MAPK10: variants seen among roughly 807,000 people sequenced by gnomAD.
MAPK10 encodes the protein mitogen-activated protein kinase 10, also known as JNK3 alpha protein kinase.
MAPK10 carries 25 observed loss-of-function variants against 59.3 expected under a neutral mutation model. The ratio of observed to expected loss-of-function variants is 0.42; its 90% CI spans 0.31 to 0.59. The LOEUF (loss-of-function observed/expected upper bound fraction) is 0.59. Among genes scored for constraint, MAPK10 ranks in the 20% least tolerant of loss-of-function variants. The pLI, the probability that MAPK10 is intolerant of heterozygous loss-of-function variation, is 0.15. For missense variants in MAPK10, 351 were observed against 568.9 expected, an observed-to-expected ratio of 0.62 and a Z score of 3.90; for synonymous variants, 190 against 200.5, an observed-to-expected ratio of 0.95 and a Z score of 0.44.
chr4:86,364,497 T>C (rs985910442), upstream of MAPK10, among the ~76,000 whole-genome samples: 1 of 152,220 alleles, frequency 6.6e-6, no homozygotes, highest in African/African-American at 2.4e-5. Context: ...GAGTGATAGA[T>C]TCCAACCTTC....
At chr4:86,508,296 T>C (rs1755957677) in intron 1 of MAPK10, among the ~76,000 whole-genome samples, 1 of 152,178 alleles carries the variant, frequency 6.6e-6, no homozygotes, top group African/African-American at 2.4e-5. Context: ...TTTTCTTCCA[T>C]AGTGAATCTT....
At chr4:86,300,235 T>C (rs1684384653) in intron 2 of MAPK10, among the ~76,000 whole-genome samples, 1 of 152,212 alleles carries the variant, frequency 6.6e-6, no homozygotes, top group East Asian at 1.9e-4. Flanking sequence ...CATTAGTTTA[T>C]ATTTGTAAAG....
intron 1 of MAPK10, among the ~76,000 whole-genome samples, chr4:86,548,851 G>A (rs1437255948): frequency 1.3e-5 from 2 of 152,150 alleles, no homozygotes; most frequent in Non-Finnish European, 2.9e-5. Flanking sequence ...GTATAGCTCT[G>A]TGATATGGAA....
chr4:86,538,932 G>A (rs796749269), intron 1 of MAPK10, among the ~76,000 whole-genome samples: 1 of 152,104 alleles, frequency 6.6e-6, no homozygotes, highest in Non-Finnish European at 1.5e-5. Flanking sequence ...GTAAAGGAAT[G>A]CAAATTTAAA....
intron 6 of MAPK10, chr4:86,102,234 T>G: frequency 2.2e-6 from 1 of 462,246 alleles, no homozygotes; most frequent in Non-Finnish European, 3.8e-6. Context: ...AGAAAAAGCA[T>G]TTATTAATGT....
At chr4:86,529,371 C>T (rs1757701379) in intron 1 of MAPK10, among the ~76,000 whole-genome samples, 2 of 152,136 alleles carry the variant, frequency 1.3e-5, no homozygotes, top group African/African-American at 4.8e-5. Flanking sequence ...CATGTGAGGA[C>T]TTTACCCCTA....
At chr4:86,230,700 C>T (rs545594939) in intron 2 of MAPK10, among the ~76,000 whole-genome samples, 1 of 152,092 alleles carries the variant, frequency 6.6e-6, no homozygotes, top group African/African-American at 2.4e-5. Flanking sequence ...TTTAAAACTA[C>T]CCTTGATTTA....
At chr4:86,174,199 T>C (rs971386282) in intron 3 of MAPK10, among the ~76,000 whole-genome samples, 2 of 152,144 alleles carry the variant, frequency 1.3e-5, no homozygotes, top group African/African-American at 4.8e-5. Flanking sequence ...TTATTTACAA[T>C]AGCAAAGACA....
intron 4 of MAPK10, among the ~76,000 whole-genome samples, chr4:86,157,271 T>C (rs2068088647): frequency 6.6e-6 from 1 of 151,946 alleles, no homozygotes; most frequent in South Asian, 2.1e-4. Context: ...TATGACATAA[T>C]AGGTATCCAT....
At chr4:86,409,237 C>T (rs1744805410) in intron 1 of MAPK10, among the ~76,000 whole-genome samples, 1 of 152,046 alleles carries the variant, frequency 6.6e-6, no homozygotes, top group Non-Finnish European at 1.5e-5. Context: ...TTTCTGAGGC[C>T]TGTTCTGTTC....
chr4:86,538,435 CGCACCCGGCCCTGAGCCACT>C (rs773554607), intron 1 of MAPK10, among the ~76,000 whole-genome samples: 7 of 152,234 alleles, frequency 4.6e-5, no homozygotes, highest in Non-Finnish European at 1.0e-4. Flanking sequence ...TGTGAGCCAC[CGCACCCGGCCCTGAGCCACT>C]GCGCCCGGTC....
chr4:86,451,233 G>GT (rs1750676984), intron 1 of MAPK10, among the ~76,000 whole-genome samples: 1 of 152,062 alleles, frequency 6.6e-6, no homozygotes, highest in African/African-American at 2.4e-5. Flanking sequence ...TTATCATTCG[G>GT]TTTTTAAGTT....
intron 1 of MAPK10, among the ~76,000 whole-genome samples, chr4:86,381,484 G>T (rs1740699203): frequency 6.6e-6 from 1 of 152,138 alleles, no homozygotes; most frequent in South Asian, 2.1e-4. Context: ...CTGACTCCTG[G>T]GACCTGCATT....
intron 2 of MAPK10, among the ~76,000 whole-genome samples, chr4:86,333,704 C>T (rs2096208034): frequency 6.6e-6 from 1 of 152,148 alleles, no homozygotes; most frequent in South Asian, 2.1e-4. Flanking sequence ...TAAATCAGCT[C>T]TACCATATAC....
chr4:86,394,319 A>C (rs1313967592), intron 1 of MAPK10, among the ~76,000 whole-genome samples: 1 of 152,164 alleles, frequency 6.6e-6, no homozygotes, highest in Non-Finnish European at 1.5e-5. Context: ...ACTCAAACTT[A>C]TTCCTCTTGA....
intron 1 of MAPK10, among the ~76,000 whole-genome samples, chr4:86,582,619 T>C (rs1762381906): frequency 6.6e-6 from 1 of 152,126 alleles, no homozygotes; most frequent in Non-Finnish European, 1.5e-5. Flanking sequence ...ATCTATGTCA[T>C]CTAAAAAAAC....
At chr4:86,088,462 C>T (rs1234360966) in intron 9 of MAPK10, among the ~76,000 whole-genome samples, 1 of 152,156 alleles carries the variant, frequency 6.6e-6, no homozygotes, top group Non-Finnish European at 1.5e-5. Flanking sequence ...TTGGGGGTTA[C>T]AGGCATGAGC....
intron 9 of MAPK10, among the ~76,000 whole-genome samples, chr4:86,086,303 AAGTT>A: frequency 6.6e-6 from 1 of 152,300 alleles, no homozygotes; most frequent in East Asian, 1.9e-4. Context: ...CTAAAATAAA[AAGTT>A]AGAAAGAATT....
intron 2 of MAPK10, among the ~76,000 whole-genome samples, chr4:86,344,621 G>GGAGA (rs1727042359): frequency 6.6e-6 from 1 of 151,636 alleles, no homozygotes; most frequent in Non-Finnish European, 1.5e-5. Flanking sequence ...AAGAAGTGAG[G>GGAGA]GAGTGAGGGA....
Sources: allele counts gnomAD v4.1 joint callset (sites outside exome capture counted in the v4.1 genomes callset), GRCh38; gene constraint gnomAD v4.1.1; transcripts MANE v1.5; gene names NCBI Gene and HGNC (gene_info 2026-07-23, HGNC 2026-07-21).